Variants in PCSK6 observed in about 807,000 individuals in gnomAD.
The protein encoded by PCSK6 is paired basic amino acid cleaving enzyme 4.
Under a neutral mutation model 123.3 loss-of-function variants are expected in PCSK6, and 85 were observed. The observed-to-expected ratio is 0.69, with a 90% CI of 0.58 to 0.83. PCSK6 has a LOEUF of 0.83. Among genes scored for constraint, PCSK6 ranks in the 40% least tolerant of loss-of-function variants. The probability of loss-of-function intolerance (pLI) is 0.00; values close to 1 mark genes in which losing one functional copy is unlikely to be tolerated. For synonymous variants in PCSK6, 508 were observed against 516.0 expected, an observed-to-expected ratio of 0.98 and a Z score of 0.21; for missense variants, 1,191 against 1,282.3, an observed-to-expected ratio of 0.93 and a Z score of 1.09.
chr15:101,310,990 G>A (rs1294026406), intron 20 of PCSK6, among the ~76,000 whole-genome samples: 1 of 152,178 alleles, frequency 6.6e-6, no homozygotes, highest in East Asian at 1.9e-4. Flanking sequence ...TGTTGGAGGT[G>A]GGGCCTGGTG....
At chr15:101,337,954 A>G (rs2040520555) in intron 13 of PCSK6, among the ~76,000 whole-genome samples, 1 of 152,226 alleles carries the variant, frequency 6.6e-6, no homozygotes, top group Non-Finnish European at 1.5e-5. Flanking sequence ...CAGAAATATT[A>G]CTTGATGCAG....
intron 1 of PCSK6, among the ~76,000 whole-genome samples, chr15:101,486,951 G>A (rs540794397): frequency 2.0e-5 from 3 of 152,232 alleles, no homozygotes; most frequent in Non-Finnish European, 2.9e-5. Flanking sequence ...TGCGTACCAT[G>A]TGAACACAAA....
intron 3 of PCSK6, 30 bp downstream of exon 3, chr15:101,431,960 T>C: frequency 6.6e-7 from 1 of 1,506,208 alleles, no homozygotes; most frequent in Non-Finnish European, 9.2e-7. Flanking sequence ...GCAAGTGTCC[T>C]GGGGCAGACA....
intron 13 of PCSK6, among the ~76,000 whole-genome samples, chr15:101,332,782 G>A (rs1482753929): frequency 6.6e-6 from 1 of 152,114 alleles, no homozygotes; most frequent in Non-Finnish European, 1.5e-5. Flanking sequence ...CTGGGGTCCC[G>A]CCCCACCGAC....
intron 13 of PCSK6, among the ~76,000 whole-genome samples, chr15:101,336,182 C>A (rs894890182): frequency 6.6e-6 from 1 of 152,178 alleles, no homozygotes; most frequent in African/African-American, 2.4e-5. Flanking sequence ...TGGCTTTGCC[C>A]CTGCTAGCAA....
At chr15:101,383,616 A>C (rs1160879538) in intron 10 of PCSK6, among the ~76,000 whole-genome samples, 1 of 152,128 alleles carries the variant, frequency 6.6e-6, no homozygotes, top group Non-Finnish European at 1.5e-5. Flanking sequence ...GGGACTGGCC[A>C]AAAGAAGTTT....
At chr15:101,489,338 G>A (rs2058105836) in intron 1 of PCSK6, 36 bp downstream of exon 1, 2 of 1,114,348 alleles carry the variant, frequency 1.8e-6, no homozygotes, top group South Asian at 3.0e-5. Context: ...GAGGCCGCCG[G>A]GAAAGTTTTG....
At chr15:101,405,372 G>A (rs974647559) in intron 6 of PCSK6, among the ~76,000 whole-genome samples, 2 of 152,148 alleles carry the variant, frequency 1.3e-5, no homozygotes, top group Admixed American at 6.5e-5. Context: ...CAATGAACCC[G>A]CCTGCCCAGT....
intron 6 of PCSK6, among the ~76,000 whole-genome samples, chr15:101,402,982 T>C (rs2042639377): frequency 6.6e-6 from 1 of 152,166 alleles, no homozygotes; most frequent in Admixed American, 6.5e-5. Context: ...ATATGTTTAT[T>C]GTGGCACTAT....
intron 7 of PCSK6, among the ~76,000 whole-genome samples, chr15:101,395,592 G>A (rs370629929): frequency 7.2e-5 from 11 of 152,162 alleles, no homozygotes; most frequent in Non-Finnish European, 1.2e-4. Context: ...TGTCTCTGAC[G>A]ACTTTATTTT....
rs183171312 is a variant in PCSK6, at chr15:101,467,745, G to T, written c.297+21629C>A. On this transcript the variant is annotated intron_variant, in intron 1 of 21. Transcript: ENST00000611716. The stretch of plus-strand genomic sequence containing the variant: ...AACCTTAGAAACACGATGTTAAACT[G>T]GGGGGAGAAAAGCAAGTCTCAGAAT... 2.1e-3 allele frequency among the ~76,000 whole-genome samples: 326 copies of T among 152,048 alleles called. 4 individuals carry two copies. The highest frequency in any genetic ancestry group is 6.9e-3 in the African/African-American group (286 of 41,300).
chr15:101,475,768 A>G (rs2057716221), intron 1 of PCSK6, among the ~76,000 whole-genome samples: 1 of 152,008 alleles, frequency 6.6e-6, no homozygotes, highest in Non-Finnish European at 1.5e-5. Flanking sequence ...TGGGACTACA[A>G]GTGTGAGCCA....
At chr15:101,326,724 G>A (rs1017510807) in intron 15 of PCSK6, among the ~76,000 whole-genome samples, 3 of 152,262 alleles carry the variant, frequency 2.0e-5, no homozygotes, top group Non-Finnish European at 4.4e-5. Flanking sequence ...ATGAGAAGGA[G>A]TGAAACATCC....
At chr15:101,461,653 T>C (rs999360550) in intron 1 of PCSK6, among the ~76,000 whole-genome samples, 8 of 152,290 alleles carry the variant, frequency 5.3e-5, no homozygotes, top group Middle Eastern at 3.4e-3. Flanking sequence ...GCCATGACCA[T>C]GGTGAGTTTA....
At chr15:101,462,639 G>T (rs2057365041) in intron 1 of PCSK6, among the ~76,000 whole-genome samples, 1 of 152,194 alleles carries the variant, frequency 6.6e-6, no homozygotes. Context: ...TTTACTGATA[G>T]AATATCAGTG....
rs374125003 is a variant in PCSK6 at position 101,331,949 on chromosome 15, C to A, written c.1941G>T (p.Ser647=). ...CTGGGGCTGAGAGCTCCAGCATCCG[C>A]GAGCGGGACTGATGGGCACTGAAGG... The part of the protein sequence containing the change: ...YHTFSAHQSR[S]RMLELSAPEL... Residue 647 remains serine, a synonymous_variant, in exon 14 of 22, where the codon TCG becomes TCT. Transcript: ENST00000611716. 2 of 1,613,746 alleles carry A rather than the reference C, an allele frequency of 1.2e-6. No individual in the cohort carries two copies. The highest frequency in any genetic ancestry group is 1.7e-6 in the Non-Finnish European group (2 of 1,179,836).
intron 8 of PCSK6, among the ~76,000 whole-genome samples, chr15:101,392,822 C>G (rs557196903): frequency 6.6e-6 from 1 of 152,240 alleles, no homozygotes; most frequent in East Asian, 1.9e-4. Flanking sequence ...CAGTATAAAA[C>G]CAAGTCTTTC....
rs374999158 is a variant in PCSK6, at chr15:101,366,418, G to T, written c.1722-86C>A. 142 of 1,423,416 alleles carry T rather than the reference G, an allele frequency of 1.0e-4. No homozygotes were observed. In the African/African-American group the frequency reaches 1.9e-3, roughly 19 times the overall value. 88.2% of individuals were successfully genotyped at this position (1,423,416 alleles called of 1,614,324 possible). A position where few individuals can be genotyped will look rare whatever the true frequency, so the allele number is the denominator to read the frequency against. On this transcript the variant is annotated intron_variant, in intron 12 of 21. Coordinates refer to ENST00000611716, the MANE Select transcript of PCSK6 (RefSeq NM_002570.5). ...GGCTGGCACAAGCAGGGCTCTCGGGGGACTGTATGACCTGGCTGGACCGTA... is the reference window on the plus strand; with the variant it reads ...GGCTGGCACAAGCAGGGCTCTCGGGTGACTGTATGACCTGGCTGGACCGTA...
At chr15:101,465,588 G>C (rs951870197) in intron 1 of PCSK6, among the ~76,000 whole-genome samples, 2 of 152,148 alleles carry the variant, frequency 1.3e-5, no homozygotes, top group South Asian at 4.2e-4. Flanking sequence ...ACTAGCACTA[G>C]AGGAGATCTT....
Sources: allele counts gnomAD v4.1 joint callset (sites outside exome capture counted in the v4.1 genomes callset), GRCh38; gene constraint gnomAD v4.1.1; transcripts MANE v1.5; gene names NCBI Gene and HGNC (gene_info 2026-07-23, HGNC 2026-07-21).